Variants in RPTOR observed in about 807,000 individuals in gnomAD.
RPTOR encodes regulatory-associated protein of mTOR.
Under a neutral mutation model 169.9 loss-of-function variants are expected in RPTOR, and 21 were observed. The ratio of observed to expected loss-of-function variants is 0.12; its 90% CI spans 0.09 to 0.18. The LOEUF (loss-of-function observed/expected upper bound fraction) is 0.18, where lower values mean the gene tolerates loss of function less well. Among genes scored for constraint, RPTOR ranks in the 10% least tolerant of loss-of-function variants. RPTOR has a pLI of 1.00. For synonymous variants in RPTOR, 732 were observed against 753.2 expected (o/e 0.97, Z 0.46); for missense variants, 1,133 against 1,855.9 (o/e 0.61, Z 7.16).
At chr17:80,946,092 A>G (rs2271611) in intron 26 of RPTOR, among the ~76,000 whole-genome samples, 94,030 of 151,962 alleles carry the variant, frequency 0.62, 29,562 homozygotes, top group African/African-American at 0.72. Context: ...CAGGGGGGCC[A>G]GCTTGCTGCC....
In RPTOR at chr17:80,960,161, C is replaced by T. The variant is rs565225948; in HGVS notation, c.3561C>T (p.Asp1187=). The change falls in exon 30 of 34, where the codon GAC becomes GAT. Residue 1187 remains aspartate, a synonymous_variant. Coordinates refer to ENST00000306801, the MANE Select transcript of RPTOR (RefSeq NM_020761.3). This position sits in a 1 kb window ranked among gnomAD's most constrained non-coding sequence, Gnocchi z 4.8. ...HRSLIVAGLG[D]GSIRVYDRRM... Reference sequence around the variant, plus strand: ...CACTCATCGTGGCTGGCCTCGGTGACGGCTCCATCCGCGTCTACGACAGAA... The same window carrying T: ...CACTCATCGTGGCTGGCCTCGGTGATGGCTCCATCCGCGTCTACGACAGAA... The T allele has an allele frequency of 2.8e-5, 45 of 1,613,580 alleles. No individual in the cohort carries two copies. The highest frequency in any genetic ancestry group is 2.4e-4 in the South Asian group (22 of 91,090).
intron 6 of RPTOR, among the ~76,000 whole-genome samples, chr17:80,765,323 C>G (rs995391046): frequency 6.6e-6 from 1 of 152,214 alleles, no homozygotes; most frequent in African/African-American, 2.4e-5. Flanking sequence ...TTGCTGACAG[C>G]AGGCTTTGGG....
At chr17:80,727,018 C>G (rs1271630147) in intron 4 of RPTOR, among the ~76,000 whole-genome samples, 3 of 152,152 alleles carry the variant, frequency 2.0e-5, no homozygotes, top group African/African-American at 7.2e-5. Flanking sequence ...CTCAAGTGCA[C>G]CTCTGACCAC....
intron 13 of RPTOR, among the ~76,000 whole-genome samples, chr17:80,865,935 A>G (rs1245401425): frequency 1.3e-5 from 2 of 152,224 alleles, no homozygotes; most frequent in African/African-American, 4.8e-5. Context: ...GGCGTGTTCT[A>G]CAGCCACAGT....
intron 4 of RPTOR, among the ~76,000 whole-genome samples, chr17:80,716,593 T>G (rs556946558): frequency 6.6e-6 from 1 of 152,344 alleles, no homozygotes; most frequent in South Asian, 2.1e-4. Flanking sequence ...GCTATTTATC[T>G]TTGTTTTTAT....
At chr17:80,885,257 C>A in intron 17 of RPTOR, 109 bp downstream of exon 17, 1 of 1,257,178 alleles carries the variant, frequency 8.0e-7, no homozygotes, top group African/African-American at 1.5e-5. Context: ...TCAGTTTCCA[C>A]TGCGTGTCAT....
chr17:80,954,426 T>C lies in RPTOR; in HGVS notation c.3371-3198T>C, dbSNP rs117475285. On this transcript the variant is annotated intron_variant, in intron 28 of 33. Transcript: ENST00000306801. ...CGTGAGCCACTGTGCCCGGGCTACA[T>C]TGGCTAATCTTTTATTATTTGTAAA... 5.9e-3 allele frequency among the ~76,000 whole-genome samples: 890 copies of C among 150,884 alleles called. 7 individuals carry two copies. The highest frequency in any genetic ancestry group is 0.01 in the Middle Eastern group (3 of 290).
At chr17:80,649,941 C>T (rs1175469016) in intron 3 of RPTOR, among the ~76,000 whole-genome samples, 2 of 152,224 alleles carry the variant, frequency 1.3e-5, no homozygotes, top group African/African-American at 4.8e-5. Context: ...TTGGAAGCAG[C>T]TTCCTGGAAG....
At chr17:80,734,256 C>T (rs1470793613) in intron 5 of RPTOR, among the ~76,000 whole-genome samples, 1 of 152,200 alleles carries the variant, frequency 6.6e-6, no homozygotes, top group African/African-American at 2.4e-5. Flanking sequence ...GCACAGAAGG[C>T]GCCCTCTCCC....
intron 2 of RPTOR, among the ~76,000 whole-genome samples, chr17:80,639,707 C>T (rs11150736): frequency 0.36 from 55,043 of 151,948 alleles, 10,357 homozygotes; most frequent in African/African-American, 0.45. Context: ...GGCCATTGGG[C>T]CAGATTGAGG....
intron 5 of RPTOR, among the ~76,000 whole-genome samples, chr17:80,731,861 C>T (rs2143210183): frequency 6.6e-6 from 1 of 152,318 alleles, no homozygotes; most frequent in South Asian, 2.1e-4. Context: ...TAGATTTTCA[C>T]ATTAACATGT....
At chr17:80,714,389 G>A (rs1233178188) in intron 4 of RPTOR, among the ~76,000 whole-genome samples, 1 of 152,116 alleles carries the variant, frequency 6.6e-6, no homozygotes, top group Non-Finnish European at 1.5e-5. Flanking sequence ...CCACACAACT[G>A]TAGAATATAC....
In RPTOR at chr17:80,779,480, A is replaced by G. The variant is rs1047122265; in HGVS notation, c.831-11970A>G. On this transcript the variant is annotated intron_variant, in intron 6 of 33. Coordinates refer to ENST00000306801, the MANE Select transcript of RPTOR (RefSeq NM_020761.3). Reference sequence around the variant, plus strand: ...ATCTCCTCATGCTTCTGCCGTGCCTACGTGCACTGACGTCGTCACAGGTGG... The same window carrying G: ...ATCTCCTCATGCTTCTGCCGTGCCTGCGTGCACTGACGTCGTCACAGGTGG... Among the ~76,000 whole-genome samples the G allele has an allele frequency of 4.6e-5, 7 of 152,200 alleles. No homozygotes were observed. The East Asian group carries it at 1.2e-3, about 25-fold the overall frequency.
At chr17:80,697,107 C>G (rs1236566013) in intron 3 of RPTOR, among the ~76,000 whole-genome samples, 1 of 152,070 alleles carries the variant, frequency 6.6e-6, no homozygotes, top group South Asian at 2.1e-4. Context: ...TGCCTACAGT[C>G]AGAGAGTGAG....
At chr17:80,556,588 GGATCCTACT>G (rs1402880939) in intron 1 of RPTOR, among the ~76,000 whole-genome samples, 1 of 152,136 alleles carries the variant, frequency 6.6e-6, no homozygotes, top group Admixed American at 6.5e-5. Context: ...GATAGAGCAT[GGATCCTACT>G]GATTTGAAGA....
chr17:80,705,054 A>G (rs1484067530), intron 3 of RPTOR, among the ~76,000 whole-genome samples: 1 of 152,224 alleles, frequency 6.6e-6, no homozygotes, highest in African/African-American at 2.4e-5. Context: ...CAGGCCACGC[A>G]TCGACACCCC....
At chr17:80,728,261 CCTTT>C (rs1369472107) in intron 4 of RPTOR, among the ~76,000 whole-genome samples, 1 of 152,002 alleles carries the variant, frequency 6.6e-6, no homozygotes, top group African/African-American at 2.4e-5. Flanking sequence ...CTGTGTACCT[CCTTT>C]CTTCTAAAAT....
At chr17:80,610,421 A>C (rs1458098151) in intron 1 of RPTOR, among the ~76,000 whole-genome samples, 2 of 152,186 alleles carry the variant, frequency 1.3e-5, no homozygotes, top group African/African-American at 4.8e-5. Context: ...CTTGTTAGTA[A>C]GAAGGTTCAG....
intron 11 of RPTOR, among the ~76,000 whole-genome samples, chr17:80,850,690 A>C (rs1479257165): frequency 4.6e-5 from 7 of 152,198 alleles, no homozygotes; most frequent in Admixed American, 2.6e-4. Context: ...TTTTTTACAA[A>C]TAGAATGTGG....
Sources: gnomAD v4.1 joint callset for allele counts (sites outside exome capture counted in the v4.1 genomes callset) on GRCh38, gnomAD v4.1.1 for gene constraint, Gnocchi (gnomAD v3.1) non-coding constraint, MANE v1.5 for transcripts, NCBI Gene and HGNC (gene_info 2026-07-23, HGNC 2026-07-21) for gene names.